The following KCTD2 variants were observed in gnomAD, a reference collection of about 807,000 sequenced individuals.
KCTD2 encodes potassium channel tetramerization domain containing 2, also known as BTB/POZ domain-containing protein KCTD2.
In KCTD2, 18 loss-of-function variants were observed where a neutral mutation model predicts 27.9. That is an observed-to-expected ratio of 0.64 (90% CI 0.45 to 0.96). The LOEUF (loss-of-function observed/expected upper bound fraction) is 0.96, where lower values mean the gene tolerates loss of function less well. Ranked by LOEUF, KCTD2 falls within the 40% of genes least tolerant of loss-of-function variation. The pLI, the probability that KCTD2 is intolerant of heterozygous loss-of-function variation, is 0.00. For synonymous variants in KCTD2, 175 were observed against 148.4 expected (o/e 1.18, Z -1.30); for missense variants, 280 against 348.0 (o/e 0.80, Z 1.56).
At chr17:75,042,387 T>C, upstream of KCTD2, 6 of 1,485,666 alleles carry the variant, frequency 4.0e-6, no homozygotes, top group Non-Finnish European at 5.5e-6. Context: ...CACACTTTCC[T>C]CTCCTAAGAT....
intron 1 of KCTD2, 80 bp downstream of exon 1, chr17:75,047,669 A>G: frequency 1.4e-6 from 2 of 1,425,850 alleles, no homozygotes; most frequent in South Asian, 1.3e-5. Context: ...GTCCTGAGAC[A>G]CGCTCCTCAC....
chr17:75,040,536 C>A, intron 3 of KCTD2: 1 of 247,654 alleles, frequency 4.0e-6, no homozygotes, highest in East Asian at 1.1e-4. Context: ...TGCATGGAAC[C>A]CTAGGGAGCT....
At chr17:75,035,169 G>C (rs747106362) in intron 2 of KCTD2, 3 of 152,028 alleles carry the variant, frequency 2.0e-5, no homozygotes, top group Non-Finnish European at 4.4e-5. Context: ...TTGAGGGTTC[G>C]AGTCCCTTCG....
chr17:75,048,584 C>T (rs2073252778), intron 1 of KCTD2, among the ~76,000 whole-genome samples: 1 of 152,180 alleles, frequency 6.6e-6, no homozygotes, highest in Non-Finnish European at 1.5e-5. Context: ...CTATATCCTC[C>T]TTGTGGTAAT....
upstream of KCTD2, among the ~76,000 whole-genome samples, chr17:75,044,127 C>T (rs796603439): frequency 1.9e-4 from 29 of 150,488 alleles, no homozygotes; most frequent in African/African-American, 6.7e-4. Flanking sequence ...CAGGCTCAAG[C>T]GATTCTCCTG....
intron 3 of KCTD2, among the ~76,000 whole-genome samples, chr17:75,037,605 C>G (rs2073116724): frequency 6.6e-6 from 1 of 152,208 alleles, no homozygotes; most frequent in Non-Finnish European, 1.5e-5. Flanking sequence ...ACTTTAAGGA[C>G]AATTCTTTCT....
chr17:75,039,680 TA>T, intron 3 of KCTD2: 1 of 266,900 alleles, frequency 3.7e-6, no homozygotes, highest in Non-Finnish European at 7.1e-6. Flanking sequence ...ACTACTTGGG[TA>T]ATTTTTCTAA....
chr17:75,034,362 G>T (rs941319482), intron 2 of KCTD2, among the ~76,000 whole-genome samples: 2 of 152,118 alleles, frequency 1.3e-5, no homozygotes, highest in Non-Finnish European at 2.9e-5. Flanking sequence ...TAGCGGGCAG[G>T]TGGTGGTGGA....
chr17:75,053,414 A>G (rs1171745830), intron 3 of KCTD2, among the ~76,000 whole-genome samples: 3 of 151,850 alleles, frequency 2.0e-5, no homozygotes, highest in African/African-American at 7.3e-5. Context: ...CCTAAAGACC[A>G]TAGAGGTCTT....
At chr17:75,060,060 A>G (rs2073388128) in intron 4 of KCTD2, among the ~76,000 whole-genome samples, 1 of 151,996 alleles carries the variant, frequency 6.6e-6, no homozygotes, top group Non-Finnish European at 1.5e-5. Context: ...CGCCATGGGA[A>G]GTGTGGTGCG....
chr17:75,048,602 A>C (rs1048964917), intron 1 of KCTD2, among the ~76,000 whole-genome samples: 1 of 152,198 alleles, frequency 6.6e-6, no homozygotes, highest in African/African-American at 2.4e-5. Context: ...AATAGAAGCC[A>C]GTTTCTTCTT....
upstream of KCTD2, among the ~76,000 whole-genome samples, chr17:75,044,885 TC>T (rs1184891084): frequency 6.6e-6 from 1 of 152,174 alleles, no homozygotes; most frequent in African/African-American, 2.4e-5. Context: ...GTCCTTCCTT[TC>T]TTTCTCAGGA....
rs749725456 is a variant in KCTD2 at position 75,047,640 on chromosome 17, T to G, written c.339+51T>G. 24 of 1,555,642 alleles carry G rather than the reference T, an allele frequency of 1.5e-5. No individual in the cohort carries two copies. The South Asian group carries it at 2.2e-4, about 14-fold the overall frequency. ...CCGGGCCTTCGAACCCCCTGGTTTC[T>G]CGTAGATCGGTCCCCAGAGTCCTGA... On this transcript the variant is annotated intron_variant, in intron 1 of 5. Transcript: ENST00000322444.
In KCTD2 at chr17:75,063,416, C is replaced by T. The variant is rs1304520179; in HGVS notation, c.*369C>T. 2 of 276,780 alleles carry T rather than the reference C, an allele frequency of 7.2e-6. No individual in the cohort carries two copies. The highest frequency in any genetic ancestry group is 4.3e-5 in the African/African-American group (2 of 46,624). 17.1% of individuals were successfully genotyped at this position (276,780 alleles called of 1,614,324 possible). Reference sequence around the variant, plus strand: ...GCCTGTACTTTAAGGACGCTGGAGCCAAGAGGATTGTTCCCGTGCCGTGCC... The same window carrying T: ...GCCTGTACTTTAAGGACGCTGGAGCTAAGAGGATTGTTCCCGTGCCGTGCC... On this transcript the variant is annotated 3_prime_UTR_variant, in exon 6 of 6. Coordinates refer to ENST00000322444, the MANE Select transcript of KCTD2 (RefSeq NM_015353.3).
At chr17:75,039,046 G>GT (rs1490077334) in intron 3 of KCTD2, 2 of 1,614,042 alleles carry the variant, frequency 1.2e-6, no homozygotes, top group Admixed American at 1.7e-5. Context: ...ATGGAATTAA[G>GT]TTCTTCATCT....
At position 75,063,277 on chromosome 17, in the gene KCTD2, T is replaced by C. The variant is rs1479296802; in HGVS notation, c.*230T>C. ...ATACCTTTTCAGAAACCTGCTTTCA[T>C]TTGCTTAGCCAGTATTAGAACAGAT... On this transcript the variant is annotated 3_prime_UTR_variant, in exon 6 of 6. Transcript: ENST00000322444. 1 of 588,844 alleles carries C rather than the reference T, an allele frequency of 1.7e-6. No individual in the cohort carries two copies. Among genetic ancestry groups the C allele is most frequent in the East Asian group, 2.9e-5 (1 of 34,812 alleles). The allele number at this position is 588,844 out of a possible 1,614,324, so 36.5% of individuals were successfully genotyped here.
Position 75,063,118 on chromosome 17 carries a change from C to T in KCTD2, c.*71C>T. ...AGCCCCTCTGTGAAGTGAAACCTCACTCCTGTCCAGTGACCGAGCCACTGC... is the reference window on the plus strand; with the variant it reads ...AGCCCCTCTGTGAAGTGAAACCTCATTCCTGTCCAGTGACCGAGCCACTGC... On this transcript the variant is annotated 3_prime_UTR_variant, in exon 6 of 6. Transcript: ENST00000322444. 2 of 1,441,042 alleles carry T rather than the reference C, an allele frequency of 1.4e-6. No individual in the cohort carries two copies. Among genetic ancestry groups the T allele is most frequent in the East Asian group, 4.6e-5 (2 of 43,366 alleles). The allele number at this position is 1,441,042 out of a possible 1,614,324, so 89.3% of individuals were successfully genotyped here. A position where few individuals can be genotyped will look rare whatever the true frequency, so the allele number is the denominator to read the frequency against.
intron 1 of KCTD2, among the ~76,000 whole-genome samples, chr17:75,048,143 G>C (rs1483317816): frequency 6.6e-6 from 1 of 152,146 alleles, no homozygotes; most frequent in Non-Finnish European, 1.5e-5. Context: ...ACTGGTTTAG[G>C]TCCATATTTA....
intron 3 of KCTD2, chr17:75,039,701 C>A: frequency 3.8e-6 from 1 of 263,658 alleles, no homozygotes; most frequent in Non-Finnish European, 7.2e-6. Flanking sequence ...ATTCCAACTC[C>A]TTGTTTCTAA....
Sources: allele counts gnomAD v4.1 joint callset (sites outside exome capture counted in the v4.1 genomes callset), GRCh38; gene constraint gnomAD v4.1.1; transcripts MANE v1.5; gene names NCBI Gene and HGNC (gene_info 2026-07-23, HGNC 2026-07-21).